Variants in SNX24 observed in about 807,000 individuals in gnomAD.
SNX24 encodes the protein sorting nexin-24.
In SNX24, 22 loss-of-function variants were observed where a neutral mutation model predicts 28.7. That is an observed-to-expected ratio of 0.77 (90% CI 0.55 to 1.10). SNX24 has a LOEUF of 1.10. Among genes scored for constraint, SNX24 ranks in the 50% least tolerant of loss-of-function variants. SNX24 has a pLI of 0.00. For synonymous variants in SNX24, 69 were observed against 71.5 expected (o/e 0.96, Z 0.18); for missense variants, 221 against 201.1 (o/e 1.10, Z -0.60).
chr5:122,951,313 T>C (rs778714440), intron 3 of SNX24, among the ~76,000 whole-genome samples: 49 of 141,946 alleles, frequency 3.5e-4, no homozygotes, highest in Non-Finnish European at 7.1e-4. Context: ...AAGTCATAAA[T>C]CTCCTTGACT....
intron 1 of SNX24, among the ~76,000 whole-genome samples, chr5:122,904,840 A>G (rs1757582277): frequency 6.6e-6 from 1 of 152,128 alleles, no homozygotes; most frequent in Admixed American, 6.5e-5. Context: ...TTTAACTGGG[A>G]AAAAAATATG....
At chr5:123,003,881 A>G (rs912814327) in intron 6 of SNX24, among the ~76,000 whole-genome samples, 4 of 152,208 alleles carry the variant, frequency 2.6e-5, no homozygotes, top group Admixed American at 2.6e-4. Context: ...GATGGGAGGT[A>G]TGGAAGGACC....
rs777449090 is a variant in SNX24 at position 122,951,191 on chromosome 5, C to T, written c.249+5032C>T. Among the ~76,000 whole-genome samples the T allele has an allele frequency of 3.5e-5, 5 of 144,846 alleles. No individual in the cohort carries two copies. In the East Asian group the frequency reaches 6.6e-4, roughly 19 times the overall value. Reference sequence around the variant, plus strand: ...CTGAGGCAGGAGAATGGCGTGAACCCGGGAGATGGAAGTTGCAGTGAGCTG... The same window carrying T: ...CTGAGGCAGGAGAATGGCGTGAACCTGGGAGATGGAAGTTGCAGTGAGCTG... On this transcript the variant is annotated intron_variant, in intron 3 of 6. Coordinates refer to ENST00000261369, the MANE Select transcript of SNX24 (RefSeq NM_014035.4).
chr5:123,016,442 T>A (rs1762680214), intron 5 of SNX24, among the ~76,000 whole-genome samples: 1 of 152,218 alleles, frequency 6.6e-6, no homozygotes, highest in Middle Eastern at 3.4e-3. Context: ...TGGAGGATAA[T>A]GAGGGGCTAC....
chr5:122,874,573 G>A (rs879648596), intron 1 of SNX24, among the ~76,000 whole-genome samples: 2 of 152,210 alleles, frequency 1.3e-5, no homozygotes, highest in Non-Finnish European at 1.5e-5. Flanking sequence ...GCTGATCGAT[G>A]TGCGGCATAT....
At chr5:123,006,234 C>G (rs1762417479) in intron 6 of SNX24, among the ~76,000 whole-genome samples, 1 of 152,174 alleles carries the variant, frequency 6.6e-6, no homozygotes, top group Non-Finnish European at 1.5e-5. Context: ...AACACAAGTT[C>G]CAGACAGAGT....
chr5:123,010,091 C>T (rs140393515), downstream of SNX24, among the ~76,000 whole-genome samples: 105 of 152,320 alleles, frequency 6.9e-4, 2 homozygotes, highest in African/African-American at 2.5e-3. Flanking sequence ...TGCCTATCAA[C>T]ATCCGTGGCC....
chr5:123,021,574 T>A (rs1762763485), intron 5 of SNX24, among the ~76,000 whole-genome samples: 1 of 152,164 alleles, frequency 6.6e-6, no homozygotes, highest in Non-Finnish European at 1.5e-5. Context: ...GTTATAAATG[T>A]TTGGGTTTCC....
chr5:122,930,951 A>T (rs1258836774), intron 1 of SNX24, among the ~76,000 whole-genome samples: 3 of 152,222 alleles, frequency 2.0e-5, no homozygotes, highest in African/African-American at 7.2e-5. Context: ...TTTGTTAAAA[A>T]GTTGATGAGG....
chr5:122,936,748 A>G lies in SNX24; in HGVS notation c.75A>G (p.Glu25=), dbSNP rs774689443. The G allele has an allele frequency of 1.3e-5, 21 of 1,593,094 alleles. No homozygotes were observed. In the African/African-American group the frequency reaches 2.8e-4, roughly 21 times the overall value. The change falls in exon 2 of 7, where the codon GAA becomes GAG. Residue 25 remains glutamate (E), a synonymous_variant. Coordinates refer to ENST00000261369, the MANE Select transcript of SNX24 (RefSeq NM_014035.4). ...LERGYTVFKI[E]VLMNGRKHFV... ...TTTTTCCTCAGGTGTTTAAGATAGA[A>G]GTGCTAATGAATGGAAGAAAACATT...
chr5:122,991,358 A>AT (rs1561705931), intron 3 of SNX24, among the ~76,000 whole-genome samples: 1 of 152,214 alleles, frequency 6.6e-6, no homozygotes, highest in Admixed American at 6.5e-5. Context: ...CTTTAAAGTA[A>AT]TTGTACCCAG....
At chr5:122,944,463 A>T (rs1326723272) in intron 2 of SNX24, among the ~76,000 whole-genome samples, 1 of 152,170 alleles carries the variant, frequency 6.6e-6, no homozygotes, top group Non-Finnish European at 1.5e-5. Context: ...GGAGGAAATG[A>T]ATATTGGCTA....
At chr5:122,910,540 C>T (rs1024177523) in intron 1 of SNX24, among the ~76,000 whole-genome samples, 2 of 151,320 alleles carry the variant, frequency 1.3e-5, no homozygotes, top group African/African-American at 4.9e-5. Flanking sequence ...CATATGTATA[C>T]ATGTGCCATG....
Position 123,007,995 on chromosome 5 carries a change from G to A in SNX24, c.*246G>A, listed in dbSNP as rs1204228424. 40 of 1,166,316 alleles carry A rather than the reference G, an allele frequency of 3.4e-5. No homozygotes were observed. Among genetic ancestry groups the A allele is most frequent in the South Asian group, 1.2e-4 (5 of 40,912 alleles). The allele number at this position is 1,166,316 out of a possible 1,614,324, so 72.2% of individuals were successfully genotyped here. A position where few individuals can be genotyped will look rare whatever the true frequency, so the allele number is the denominator to read the frequency against. ...TAAGAAGTAGAGTGTAGCTGCCAGC[G>A]TAGAAACCCATGAAAAGGAGGCCAC... On this transcript the variant is annotated 3_prime_UTR_variant, in exon 7 of 7. Coordinates refer to ENST00000261369, the MANE Select transcript of SNX24 (RefSeq NM_014035.4).
At position 122,874,903 on chromosome 5, in the gene SNX24, A is replaced by G. The variant is rs373377503; in HGVS notation, c.60+29210A>G. 1.1e-4 allele frequency among the ~76,000 whole-genome samples: 16 copies of G among 152,364 alleles called. 2 individuals are homozygous for G. The highest frequency in any genetic ancestry group is 3.9e-4 in the East Asian group (2 of 5,190). On this transcript the variant is annotated intron_variant, in intron 1 of 6. Transcript: ENST00000261369. ...GGAATTGTTTTAATCAAATGAAATA[A>G]TAGATGCCAAGCCCTTAACACATAA...
intron 3 of SNX24, among the ~76,000 whole-genome samples, chr5:122,978,018 A>C (rs565645695): frequency 1.3e-5 from 2 of 152,268 alleles, no homozygotes; most frequent in East Asian, 3.9e-4. Flanking sequence ...GGAATGTTTC[A>C]ATTTTTTTTC....
intron 5 of SNX24, among the ~76,000 whole-genome samples, chr5:123,017,670 T>G (rs747017894): frequency 6.6e-6 from 1 of 151,982 alleles, no homozygotes; most frequent in Non-Finnish European, 1.5e-5. Flanking sequence ...GGTGGTTGAA[T>G]TGTAGGGGGT....
chr5:122,877,448 G>T (rs946790415), intron 1 of SNX24, among the ~76,000 whole-genome samples: 3 of 152,224 alleles, frequency 2.0e-5, no homozygotes, highest in Non-Finnish European at 2.9e-5. Flanking sequence ...CAGGATGAAG[G>T]TGTGGACTGG....
intron 1 of SNX24, among the ~76,000 whole-genome samples, chr5:122,860,255 A>C (rs1157519212): frequency 6.6e-6 from 1 of 152,212 alleles, no homozygotes; most frequent in African/African-American, 2.4e-5. Flanking sequence ...ATCATGATAT[A>C]CAGGGTTAAA....
Sources: allele counts gnomAD v4.1 joint callset (sites outside exome capture counted in the v4.1 genomes callset), GRCh38; gene constraint gnomAD v4.1.1; transcripts MANE v1.5; gene names NCBI Gene and HGNC (gene_info 2026-07-23, HGNC 2026-07-21).